The following PUM3 variants were observed in gnomAD, a reference collection of about 807,000 sequenced individuals.
The protein encoded by PUM3 is pumilio RNA binding family member 3.
PUM3 carries 91 observed loss-of-function variants against 84.0 expected under a neutral mutation model. The observed-to-expected ratio is 1.08, with a 90% CI of 0.91 to 1.29. The LOEUF is 1.29. Ranked by LOEUF, PUM3 falls within the 50% of genes most tolerant of loss-of-function variation. The pLI, the probability that PUM3 is intolerant of heterozygous loss-of-function variation, is 0.00. For missense variants in PUM3, 1,067 were observed against 767.5 expected (o/e 1.39, Z -4.61); for synonymous variants, 321 against 266.7 (o/e 1.20, Z -1.98).
At position 2,837,405 on chromosome 9, in the gene PUM3, G is replaced by T; in HGVS notation, c.83-4C>A. The T allele has an allele frequency of 4.4e-6, 7 of 1,574,830 alleles. No homozygotes were observed. The highest frequency in any genetic ancestry group is 6.1e-6 in the Non-Finnish European group (7 of 1,145,896). ...AATGTCTTTGAAGAACCAGAATCTA[G>T]TGACAATAATAATTATAAGTTCAAT... On this transcript the variant is annotated splice_region_variant and splice_polypyrimidine_tract_variant and intron_variant, in intron 2 of 17. Coordinates refer to ENST00000397885, the MANE Select transcript of PUM3 (RefSeq NM_014878.5).
At chr9:2,826,099 GTTTT>G (rs57188726) in intron 10 of PUM3, among the ~76,000 whole-genome samples, 1 of 143,336 alleles carries the variant, frequency 7.0e-6, no homozygotes, top group Non-Finnish European at 1.5e-5. Flanking sequence ...TTCCCCGAAG[GTTTT>G]TTTTTTTTTA....
intron 13 of PUM3, among the ~76,000 whole-genome samples, chr9:2,816,942 C>T (rs1023855760): frequency 2.0e-5 from 3 of 152,212 alleles, no homozygotes; most frequent in Non-Finnish European, 2.9e-5. Flanking sequence ...TGCTTAGCAA[C>T]ACACTAAGCT....
Position 2,810,425 on chromosome 9 carries a change from T to C in PUM3, c.1642A>G (p.Ile548Val). ...AGATGTCCTGCAGGATGTTCTGCAATGTGAAGCTATGAAGGGTCAAGAACA... is the reference window on the plus strand; with the variant it reads ...AGATGTCCTGCAGGATGTTCTGCAACGTGAAGCTATGAAGGGTCAAGAACA... ...HPGGKDGELH[I>V]AEHPAGHLVL... is the part of the protein sequence containing the mutation. The change falls in exon 16 of 18, where the codon ATT (isoleucine) becomes GTT (valine). Residue 548 changes from isoleucine to valine, a missense_variant. Ile to Val is a conservative substitution (Grantham distance 29). Coordinates refer to ENST00000397885, the MANE Select transcript of PUM3 (RefSeq NM_014878.5). 6.2e-7 allele frequency: 1 copy of C among 1,605,906 alleles called. No individual in the cohort carries two copies. Among genetic ancestry groups the C allele is most frequent in the Non-Finnish European group, 8.5e-7 (1 of 1,175,442 alleles).
intron 13 of PUM3, among the ~76,000 whole-genome samples, chr9:2,819,471 C>T (rs1249446400): frequency 6.6e-6 from 1 of 152,192 alleles, no homozygotes; most frequent in Non-Finnish European, 1.5e-5. Flanking sequence ...TTTAATCTGA[C>T]CCTACAAAAG....
At chr9:2,823,935 T>C (rs1815737731) in intron 11 of PUM3, 101 bp from the exon 12 acceptor site, 1 of 592,384 alleles carries the variant, frequency 1.7e-6, no homozygotes, top group Non-Finnish European at 2.9e-6. Flanking sequence ...TTCATTTGAG[T>C]GGCATATGTT....
At chr9:2,814,617 A>G (rs1177068587) in intron 13 of PUM3, among the ~76,000 whole-genome samples, 4 of 152,244 alleles carry the variant, frequency 2.6e-5, no homozygotes, top group Non-Finnish European at 5.9e-5. Context: ...TAACCAACAC[A>G]TAAGAGAGGA....
At chr9:2,812,085 T>C (rs1469740224) in intron 14 of PUM3, 135 bp downstream of exon 14, 23 of 778,002 alleles carry the variant, frequency 3.0e-5, no homozygotes, top group Non-Finnish European at 4.3e-5. Context: ...CTGTCAAAAA[T>C]ATAGGCTTGA....
chr9:2,820,178 T>G, intron 12 of PUM3, 80 bp from the exon 13 acceptor site: 1 of 612,914 alleles, frequency 1.6e-6, no homozygotes, highest in Non-Finnish European at 2.8e-6. Flanking sequence ...AATATCTTCA[T>G]AAAGGTAGAG....
rs1317744157 is a variant in PUM3 at position 2,804,326 on chromosome 9, T to G, written c.*5A>C. 2 of 1,611,972 alleles carry G rather than the reference T, an allele frequency of 1.2e-6. No homozygotes were observed. The highest frequency in any genetic ancestry group is 1.7e-6 in the Non-Finnish European group (2 of 1,179,550). ...TCATTCCATCTTGCTCTTAACTCTTTCCACCTATGTGCTCAGTTTTTCAAG... is the reference window on the plus strand; with the variant it reads ...TCATTCCATCTTGCTCTTAACTCTTGCCACCTATGTGCTCAGTTTTTCAAG... On this transcript the variant is annotated 3_prime_UTR_variant, in exon 18 of 18. Coordinates refer to ENST00000397885, the MANE Select transcript of PUM3 (RefSeq NM_014878.5).
intron 1 of PUM3, among the ~76,000 whole-genome samples, chr9:2,842,088 C>A (rs1214391102): frequency 6.6e-6 from 1 of 152,196 alleles, no homozygotes; most frequent in Non-Finnish European, 1.5e-5. Context: ...TGGAATCATA[C>A]AATATGTAAC....
chr9:2,828,829 A>T, intron 8 of PUM3, 51 bp from the exon 9 acceptor site: 1 of 1,023,918 alleles, frequency 9.8e-7, no homozygotes, highest in Non-Finnish European at 1.5e-6. Context: ...CAATTTTTTC[A>T]CTTCAGGAAA....
intron 11 of PUM3, 146 bp from the exon 12 acceptor site, chr9:2,823,980 C>T (rs1815738672): frequency 2.0e-6 from 1 of 495,084 alleles, no homozygotes. Flanking sequence ...ACAGCCAGAA[C>T]AAAAAAACTG....
At chr9:2,815,825 A>G (rs911708437) in intron 13 of PUM3, among the ~76,000 whole-genome samples, 2 of 152,242 alleles carry the variant, frequency 1.3e-5, no homozygotes, top group Non-Finnish European at 2.9e-5. Context: ...GTTAACTTAC[A>G]GAAAATTCAC....
chr9:2,838,595 C>T (rs1259725124), intron 1 of PUM3, 78 bp from the exon 2 acceptor site: 1 of 830,238 alleles, frequency 1.2e-6, no homozygotes, highest in African/African-American at 1.7e-5. Context: ...TAGTCATTGC[C>T]ACATTTAGTC....
chr9:2,833,270 G>C, intron 5 of PUM3, 87 bp downstream of exon 5: 2 of 610,626 alleles, frequency 3.3e-6, no homozygotes, highest in Non-Finnish European at 2.9e-6. Context: ...ACAATGATAA[G>C]ATCATCTGTC....
chr9:2,807,895 G>T lies in PUM3; in HGVS notation c.1733C>A (p.Ala578Glu). The T allele has an allele frequency of 6.2e-7, 1 of 1,609,552 alleles. No homozygotes were observed. The highest frequency in any genetic ancestry group is 8.5e-7 in the Non-Finnish European group (1 of 1,176,526). ...ACCAACATGCTCTACAAGTGTTTTT[G>T]CAAAACAACCTGTAAAATATACTGA... is the stretch of plus-strand genomic sequence containing the variant. ...MKENGREGCF[A>E]KTLVEHVGMK... Residue 578 changes from alanine (A) to glutamate (E), a missense_variant, in exon 17 of 18, where the codon GCA becomes GAA. Coordinates refer to ENST00000397885, the MANE Select transcript of PUM3 (RefSeq NM_014878.5).
At chr9:2,833,313 A>G in intron 5 of PUM3, 44 bp downstream of exon 5, 1 of 1,046,764 alleles carries the variant, frequency 9.6e-7, no homozygotes. Context: ...GAGTGAGGCA[A>G]CTTCAACTGT....
chr9:2,814,872 T>G (rs1289701586), intron 13 of PUM3, among the ~76,000 whole-genome samples: 1 of 152,174 alleles, frequency 6.6e-6, no homozygotes, highest in Non-Finnish European at 1.5e-5. Context: ...CTCTACACTT[T>G]TAGTTAACAT....
intron 13 of PUM3, among the ~76,000 whole-genome samples, chr9:2,816,837 T>G (rs1231427943): frequency 6.6e-6 from 1 of 152,246 alleles, no homozygotes; most frequent in Non-Finnish European, 1.5e-5. Context: ...ATCTGCTGAT[T>G]ACACTAGAGC....
Sources: allele counts gnomAD v4.1 joint callset (sites outside exome capture counted in the v4.1 genomes callset), GRCh38; gene constraint gnomAD v4.1.1; transcripts MANE v1.5; gene names NCBI Gene and HGNC (gene_info 2026-07-23, HGNC 2026-07-21).